Variants in ATP6V1E2 observed in about 807,000 individuals in gnomAD.
ATP6V1E2 encodes the protein V-type proton ATPase subunit E 2.
For synonymous variants in ATP6V1E2, 121 were observed against 104.2 expected, an observed-to-expected ratio of 1.16 and a Z score of -0.98; for missense variants, 308 against 273.3, an observed-to-expected ratio of 1.13 and a Z score of -0.90.
chr2:46,512,356 A>C lies in ATP6V1E2; in HGVS notation c.356T>G (p.Leu119Arg), dbSNP rs1055553343. The C allele has an allele frequency of 6.2e-7, 1 of 1,614,056 alleles. No individual in the cohort carries two copies. Among genetic ancestry groups the C allele is most frequent in the East Asian group, 2.2e-5 (1 of 44,878 alleles). The change falls in exon 5 of 5, where the codon CTG becomes CGG. Residue 119 changes from leucine to arginine, a missense_variant. Coordinates refer to ENST00000522587, the MANE Select transcript of ATP6V1E2 (RefSeq NM_001318063.2). ...PEVYQGLLDKLVLQGLLRLLE... is the reference protein window; with the variant it reads ...PEVYQGLLDKRVLQGLLRLLE... ...CAGTCGGAGCAGACCCTGGAGCACC[A>C]GTTTATCCAGCAGCCCCTGGTAGAC...
intron 4 of ATP6V1E2, among the ~76,000 whole-genome samples, chr2:46,518,411 G>A (rs1666403134): frequency 1.3e-5 from 2 of 151,740 alleles, no homozygotes; most frequent in South Asian, 4.2e-4. Context: ...AAAAGTTCTA[G>A]AGACCTGCTG....
chr2:46,513,404 G>A (rs965268319), intron 4 of ATP6V1E2, among the ~76,000 whole-genome samples: 1 of 152,186 alleles, frequency 6.6e-6, no homozygotes, highest in African/African-American at 2.4e-5. Flanking sequence ...GCTGTTGGGT[G>A]GAATGTTCTG....
In ATP6V1E2 at chr2:46,535,977, T is replaced by G. The variant is rs1667423134; in HGVS notation, c.-216-50A>C. On this transcript the variant is annotated intron_variant, in intron 3 of 4. Transcript: ENST00000522587. The surrounding 1 kb of genome is among the most constrained non-coding windows in gnomAD (Gnocchi z 4.4). ...ATTTCATTTTTGGAGGAGGGATCTG[T>G]GATCTAGCCTCCTTTGGAGCCTATG... 6.6e-6 allele frequency: 1 copy of G among 152,182 alleles called. No individual in the cohort carries two copies. Among genetic ancestry groups the G allele is most frequent in the African/African-American group, 2.4e-5 (1 of 41,444 alleles). The allele number at this position is 152,182 out of a possible 1,614,324, so 9.4% of individuals were successfully genotyped here.
chr2:46,541,631 G>A (rs1295117253), intron 1 of ATP6V1E2, 178 bp from the exon 2 acceptor site: 4 of 152,236 alleles, frequency 2.6e-5, no homozygotes, highest in African/African-American at 9.7e-5. Flanking sequence ...GCCTCTCAAT[G>A]CTGCATTTTT....
At chr2:46,517,996 C>A (rs892983707) in intron 4 of ATP6V1E2, among the ~76,000 whole-genome samples, 1 of 152,146 alleles carries the variant, frequency 6.6e-6, no homozygotes, top group South Asian at 2.1e-4. Context: ...ATCCAGCAAT[C>A]CCACTTCTGT....
chr2:46,523,777 T>C (rs1027105348), intron 4 of ATP6V1E2, among the ~76,000 whole-genome samples: 1 of 152,152 alleles, frequency 6.6e-6, no homozygotes, highest in Non-Finnish European at 1.5e-5. Flanking sequence ...AGAATGTCAA[T>C]GGTAGTTTAA....
Position 46,513,987 on chromosome 2 carries a change from A to G in ATP6V1E2, c.-101-1175T>C, listed in dbSNP as rs539113631. On this transcript the variant is annotated intron_variant, in intron 4 of 4. Coordinates refer to ENST00000522587, the MANE Select transcript of ATP6V1E2 (RefSeq NM_001318063.2). ...TATCTGAACCACTTGGAGGATCTTT[A>G]AGAAATATAGCTTTTAGTGTGGTGA... 1.3e-3 allele frequency among the ~76,000 whole-genome samples: 198 copies of G among 152,212 alleles called. 7 individuals carry two copies. The South Asian group carries it at 0.039, about 30-fold the overall frequency.
At chr2:46,521,036 A>T (rs962324886) in intron 4 of ATP6V1E2, among the ~76,000 whole-genome samples, 1 of 152,230 alleles carries the variant, frequency 6.6e-6, no homozygotes, top group African/African-American at 2.4e-5. Flanking sequence ...TGGGAAGCAG[A>T]CATTTCCAAA....
chr2:46,518,911 T>C (rs906519499), intron 4 of ATP6V1E2: 3 of 152,106 alleles, frequency 2.0e-5, no homozygotes, highest in Non-Finnish European at 2.9e-5. Context: ...AGGTTACGTG[T>C]ATATAGGAAG....
At chr2:46,529,407 C>A (rs914503021) in intron 4 of ATP6V1E2, among the ~76,000 whole-genome samples, 9 of 152,180 alleles carry the variant, frequency 5.9e-5, no homozygotes. Context: ...TATTTCTGAC[C>A]CACTCTGCAC....
chr2:46,529,619 G>A (rs1031092782), intron 4 of ATP6V1E2, among the ~76,000 whole-genome samples: 1 of 152,170 alleles, frequency 6.6e-6, no homozygotes, highest in Non-Finnish European at 1.5e-5. Flanking sequence ...AGCTAGGCAT[G>A]ATGGTGTGCA....
At chr2:46,532,903 A>G (rs575629111) in intron 4 of ATP6V1E2, among the ~76,000 whole-genome samples, 11 of 152,252 alleles carry the variant, frequency 7.2e-5, no homozygotes, top group African/African-American at 2.6e-4. Flanking sequence ...AGATAACACT[A>G]TATCATTTAA....
intron 4 of ATP6V1E2, among the ~76,000 whole-genome samples, chr2:46,532,564 T>C (rs1309357431): frequency 2.0e-5 from 3 of 152,138 alleles, no homozygotes; most frequent in Admixed American, 1.3e-4. Flanking sequence ...GGTGGAAACT[T>C]TGGGAGGTAA....
chr2:46,533,611 A>G (rs1667298411), intron 4 of ATP6V1E2, among the ~76,000 whole-genome samples: 1 of 152,156 alleles, frequency 6.6e-6, no homozygotes, highest in Non-Finnish European at 1.5e-5. Context: ...TGTAACAGAG[A>G]AAGAAATGTC....
intron 2 of ATP6V1E2, among the ~76,000 whole-genome samples, chr2:46,538,458 T>G (rs990326331): frequency 2.6e-5 from 4 of 151,780 alleles, no homozygotes; most frequent in African/African-American, 9.7e-5. Flanking sequence ...ATTCCTTTGG[T>G]TACCAGTTAC....
intron 1 of ATP6V1E2, 192 bp downstream of exon 1, chr2:46,542,025 C>A (rs1169827003): frequency 1.3e-5 from 2 of 151,990 alleles, no homozygotes; most frequent in Non-Finnish European, 2.9e-5. Context: ...TGTGGAGGGG[C>A]GTGCTTCAGT....
At chr2:46,534,976 C>A (rs1318577645) in intron 4 of ATP6V1E2, 3 of 152,186 alleles carry the variant, frequency 2.0e-5, no homozygotes, top group African/African-American at 7.2e-5. Context: ...ATTCCAGGAG[C>A]CTGTTTTGCT....
intron 4 of ATP6V1E2, chr2:46,519,112 G>A (rs549086921): frequency 1.3e-5 from 2 of 152,200 alleles, no homozygotes; most frequent in African/African-American, 4.8e-5. Flanking sequence ...CTGTCACTGG[G>A]GAAGGCTGGC....
At chr2:46,525,302 A>T (rs1173159103) in intron 4 of ATP6V1E2, among the ~76,000 whole-genome samples, 1 of 151,162 alleles carries the variant, frequency 6.6e-6, no homozygotes, top group Non-Finnish European at 1.5e-5. Flanking sequence ...CTCTACTAAA[A>T]ATTCAAAAAA....
Sources: gnomAD v4.1 joint callset for allele counts (sites outside exome capture counted in the v4.1 genomes callset) on GRCh38, gnomAD v4.1.1 for gene constraint, Gnocchi (gnomAD v3.1) non-coding constraint, MANE v1.5 for transcripts, NCBI Gene and HGNC (gene_info 2026-07-23, HGNC 2026-07-21) for gene names.